Variants in CHCHD3 observed in about 807,000 individuals in gnomAD.
The protein encoded by CHCHD3 is coiled-coil-helix-coiled-coil-helix domain containing 3, also known as MICOS complex subunit MIC19.
CHCHD3 carries 20 observed loss-of-function variants against 38.2 expected under a neutral mutation model. The ratio of observed to expected loss-of-function variants is 0.52; its 90% confidence interval spans 0.37 to 0.76. The LOEUF (loss-of-function observed/expected upper bound fraction) is 0.76, where lower values mean the gene tolerates loss of function less well. Ranked by LOEUF, CHCHD3 falls within the 30% of genes least tolerant of loss-of-function variation. The pLI is 0.00. For synonymous variants in CHCHD3, 82 were observed against 100.0 expected, an observed-to-expected ratio of 0.82 and a Z score of 1.07; for missense variants, 245 against 279.2, an observed-to-expected ratio of 0.88 and a Z score of 0.87.
intron 3 of CHCHD3, among the ~76,000 whole-genome samples, chr7:132,980,834 C>T (rs1811898741): frequency 6.6e-6 from 1 of 152,058 alleles, no homozygotes; most frequent in Admixed American, 6.6e-5. Flanking sequence ...ATATTTTAGT[C>T]CCAGGGTAAA....
At chr7:132,932,475 C>T (rs1207368030) in intron 4 of CHCHD3, among the ~76,000 whole-genome samples, 1 of 152,192 alleles carries the variant, frequency 6.6e-6, no homozygotes. Context: ...AGGCGCTTCC[C>T]TAGGTCTTTA....
At chr7:132,974,360 AT>A (rs1163798002) in intron 4 of CHCHD3, among the ~76,000 whole-genome samples, 1 of 152,204 alleles carries the variant, frequency 6.6e-6, no homozygotes, top group African/African-American at 2.4e-5. Context: ...AGATTAAAAA[AT>A]ATTTTCTTTT....
chr7:132,963,160 A>G (rs1806024006), intron 4 of CHCHD3, among the ~76,000 whole-genome samples: 3 of 148,588 alleles, frequency 2.0e-5, no homozygotes, highest in East Asian at 2.0e-4. Flanking sequence ...AAAAAAATAT[A>G]TATATATATA....
At chr7:132,944,356 C>T (rs1314718696) in intron 4 of CHCHD3, among the ~76,000 whole-genome samples, 3 of 150,920 alleles carry the variant, frequency 2.0e-5, no homozygotes, top group Non-Finnish European at 3.0e-5. Flanking sequence ...AGCAGGAGTG[C>T]AGATTGGCTA....
At chr7:132,870,836 C>T (rs1562891308) in intron 5 of CHCHD3, among the ~76,000 whole-genome samples, 3 of 152,200 alleles carry the variant, frequency 2.0e-5, no homozygotes, top group East Asian at 1.9e-4. Flanking sequence ...TTCCCAACCA[C>T]GTAAAAACAA....
chr7:132,831,990 C>T (rs181637261), intron 6 of CHCHD3, among the ~76,000 whole-genome samples: 6 of 151,900 alleles, frequency 3.9e-5, no homozygotes, highest in East Asian at 1.9e-4. Flanking sequence ...CCAATTCATC[C>T]GTAATATAGC....
intron 5 of CHCHD3, among the ~76,000 whole-genome samples, chr7:132,850,453 T>G (rs201484515): frequency 3.1e-4 from 11 of 35,150 alleles, no homozygotes; most frequent in Middle Eastern, 0.019. Flanking sequence ...TTTTTTTGTT[T>G]TTTTTTTTTT....
At chr7:132,847,688 ACTAT>A (rs755517098) in intron 5 of CHCHD3, among the ~76,000 whole-genome samples, 8 of 152,174 alleles carry the variant, frequency 5.3e-5, no homozygotes, top group Non-Finnish European at 1.2e-4. Flanking sequence ...CGATTTGAAA[ACTAT>A]CTGTTTTCAA....
chr7:132,950,347 G>A (rs1811008723), intron 4 of CHCHD3, among the ~76,000 whole-genome samples: 1 of 152,076 alleles, frequency 6.6e-6, no homozygotes, highest in Non-Finnish European at 1.5e-5. Context: ...ATCTAATAGA[G>A]ACCTTATCTC....
At chr7:132,907,933 C>A (rs1809837068) in intron 4 of CHCHD3, among the ~76,000 whole-genome samples, 1 of 151,856 alleles carries the variant, frequency 6.6e-6, no homozygotes, top group African/African-American at 2.4e-5. Context: ...AAAAAACAAA[C>A]CACGGTCAAA....
intron 5 of CHCHD3, among the ~76,000 whole-genome samples, chr7:132,861,999 C>G (rs1808502818): frequency 6.6e-6 from 1 of 152,074 alleles, no homozygotes; most frequent in Non-Finnish European, 1.5e-5. Flanking sequence ...TTCCCACTAA[C>G]CTACTGTACC....
At chr7:132,905,725 C>T (rs1251060077) in intron 4 of CHCHD3, among the ~76,000 whole-genome samples, 1 of 152,148 alleles carries the variant, frequency 6.6e-6, no homozygotes, top group Non-Finnish European at 1.5e-5. Flanking sequence ...ACCACATACA[C>T]AGAGACGTAT....
intron 5 of CHCHD3, among the ~76,000 whole-genome samples, chr7:132,866,879 C>T (rs959138783): frequency 3.3e-5 from 5 of 152,128 alleles, no homozygotes; most frequent in African/African-American, 1.2e-4. Flanking sequence ...ATTTAGGTAA[C>T]GAGTGTTCAA....
In CHCHD3 at chr7:133,035,812, G is replaced by A; in HGVS notation, c.170-11185C>T. The A allele has an allele frequency of 1.2e-6, 2 of 1,613,094 alleles. No individual in the cohort carries two copies. The highest frequency in any genetic ancestry group is 8.5e-7 in the Non-Finnish European group (1 of 1,179,100). Reference sequence around the variant, plus strand: ...CGGTTGGTTTGGCCAAAATGGAAGTGGGGTGGTGCGGAGAGCACGCGGATC... The same window carrying A: ...CGGTTGGTTTGGCCAAAATGGAAGTAGGGTGGTGCGGAGAGCACGCGGATC... On this transcript the variant is annotated intron_variant, in intron 2 of 7. Coordinates refer to ENST00000262570, the MANE Select transcript of CHCHD3 (RefSeq NM_017812.4). The surrounding 1 kb of genome is among the most constrained non-coding windows in gnomAD (Gnocchi z 4.7).
At chr7:132,847,389 G>A (rs1448439263) in intron 5 of CHCHD3, 1 of 152,194 alleles carries the variant, frequency 6.6e-6, no homozygotes, top group East Asian at 1.9e-4. Context: ...AAACAAAGTG[G>A]TTGATTTTAG....
chr7:132,890,799 T>C (rs150037459), intron 4 of CHCHD3, among the ~76,000 whole-genome samples: 4 of 152,322 alleles, frequency 2.6e-5, no homozygotes, highest in Non-Finnish European at 5.9e-5. Flanking sequence ...CCTTTCATTC[T>C]AAATCTTTTA....
intron 3 of CHCHD3, among the ~76,000 whole-genome samples, chr7:133,018,875 CTTTTTTTTTTTTTT>C (rs5887607): frequency 2.9e-5 from 2 of 70,150 alleles, no homozygotes; most frequent in African/African-American, 1.2e-4. Context: ...CATGATTTCT[CTTTTTTTTTTTTTT>C]TTTTTTTTTT....
chr7:132,789,509 G>A (rs984447039), intron 7 of CHCHD3, among the ~76,000 whole-genome samples: 5 of 152,054 alleles, frequency 3.3e-5, no homozygotes, highest in South Asian at 2.1e-4. Flanking sequence ...TGTCATTTCC[G>A]CTTATTAAAA....
intron 4 of CHCHD3, among the ~76,000 whole-genome samples, chr7:132,955,173 G>GGTGTGTGTGTGTGTGTGTGT (rs3050414): frequency 0.02 from 2,529 of 126,222 alleles, 93 homozygotes; most frequent in East Asian, 0.04. Context: ...TCCCTCAGAG[G>GGTGTGTGTGTGTGTGTGTGT]GTGTGTGTGT....
Sources: gnomAD v4.1 joint callset for allele counts (sites outside exome capture counted in the v4.1 genomes callset) on GRCh38, gnomAD v4.1.1 for gene constraint, Gnocchi (gnomAD v3.1) non-coding constraint, MANE v1.5 for transcripts, NCBI Gene and HGNC (gene_info 2026-07-23, HGNC 2026-07-21) for gene names.